Variants in PRH1 observed in about 807,000 individuals in gnomAD.
PRH1 encodes the protein proline rich protein HaeIII subfamily 1.
A neutral mutation model predicts 7.9 loss-of-function variants in PRH1; 7 were observed. That is an observed-to-expected ratio of 0.89 (90% CI 0.50 to 1.67). The LOEUF is 1.67. Ranked by LOEUF, PRH1 falls within the 40% of genes most tolerant of loss-of-function variation. PRH1 has a pLI of 0.00. For missense variants in PRH1, 109 were observed against 223.6 expected (o/e 0.49, Z 3.27); for synonymous variants, 45 against 80.8 (o/e 0.56, Z 2.38).
chr12:10,916,365 A>G (rs1245245667), intron 2 of PRH1, among the ~76,000 whole-genome samples: 2 of 152,178 alleles, frequency 1.3e-5, no homozygotes, highest in African/African-American at 4.8e-5. Context: ...GCAGTTTAAC[A>G]TATTATGAGA....
chr12:11,153,167 A>G (rs1400331128), intron 1 of PRH1, among the ~76,000 whole-genome samples: 2 of 152,220 alleles, frequency 1.3e-5, no homozygotes, highest in African/African-American at 2.4e-5. Flanking sequence ...TTTAGTGAAC[A>G]TAAGTAGAAT....
At chr12:11,039,523 A>ATT (rs146658463) in intron 1 of PRH1, among the ~76,000 whole-genome samples, 1,175 of 151,904 alleles carry the variant, frequency 7.7e-3, no homozygotes, top group Non-Finnish European at 9.6e-3. Flanking sequence ...ATGTTCTGCA[A>ATT]TTTTTTCCTT....
upstream of PRH1, among the ~76,000 whole-genome samples, chr12:10,887,845 C>G (rs2135787764): frequency 6.6e-6 from 1 of 152,238 alleles, no homozygotes; most frequent in South Asian, 2.1e-4. Context: ...ATGTTGTTTT[C>G]AATTTAGAAA....
intron 2 of PRH1, among the ~76,000 whole-genome samples, chr12:10,900,461 A>G (rs1221247575): frequency 6.6e-6 from 1 of 152,186 alleles, no homozygotes; most frequent in African/African-American, 2.4e-5. Flanking sequence ...CTTGGGCCAG[A>G]TATTGGAGCA....
At position 11,037,565 on chromosome 12, in the gene PRH1, T is replaced by C. The variant is rs1394522954; in HGVS notation, c.-126+9455A>G. On this transcript the variant is annotated intron_variant, in intron 1 of 3. Transcript: ENST00000539853. The stretch of plus-strand genomic sequence containing the variant: ...ATTTAATTTAATATCCATCGTAGTA[T>C]AATTTATTGGAAATTCATGAATTTC... Among the ~76,000 whole-genome samples, 5 of 152,268 alleles carry C rather than the reference T, an allele frequency of 3.3e-5. No individual in the cohort carries two copies. In the South Asian group the frequency reaches 6.2e-4, roughly 19 times the overall value.
intron 1 of PRH1, among the ~76,000 whole-genome samples, chr12:11,125,119 A>G (rs1946066775): frequency 6.6e-6 from 1 of 152,256 alleles, no homozygotes; most frequent in African/African-American, 2.4e-5. Flanking sequence ...CTGGGATTAC[A>G]GGCATGAGCC....
At chr12:11,044,366 A>T (rs1309768409) in intron 1 of PRH1, among the ~76,000 whole-genome samples, 2 of 152,126 alleles carry the variant, frequency 1.3e-5, no homozygotes, top group Admixed American at 6.5e-5. Flanking sequence ...TCCCCAGGAC[A>T]TTGGTTTGAG....
chr12:10,974,429 A>G (rs1938991261), intron 1 of PRH1, among the ~76,000 whole-genome samples: 1 of 152,200 alleles, frequency 6.6e-6, no homozygotes, highest in South Asian at 2.1e-4. Flanking sequence ...CCCTTCCAGC[A>G]TAGCAGATTC....
intron 1 of PRH1, among the ~76,000 whole-genome samples, chr12:11,021,349 TTAATTA>T (rs1941617346): frequency 3.9e-5 from 6 of 152,190 alleles, no homozygotes; most frequent in Admixed American, 3.3e-4. Flanking sequence ...CTGTACGTTC[TTAATTA>T]TAAAGAGAGA....
chr12:10,919,745 TCTGGTCTCACCAGAC>T (rs1950020437), intron 2 of PRH1, among the ~76,000 whole-genome samples: 1 of 151,950 alleles, frequency 6.6e-6, no homozygotes, highest in Admixed American at 6.6e-5. Flanking sequence ...GAATAAACAA[TCTGGTCTCACCAGAC>T]CTGTCTTTAG....
intron 1 of PRH1, among the ~76,000 whole-genome samples, chr12:11,102,079 A>G (rs917526760): frequency 2.0e-5 from 3 of 152,136 alleles, no homozygotes; most frequent in East Asian, 1.9e-4. Context: ...ATGCTCATGG[A>G]TAGGAAGAAT....
intron 1 of PRH1, among the ~76,000 whole-genome samples, chr12:10,994,116 G>T (rs1430059048): frequency 1.3e-5 from 2 of 152,188 alleles, no homozygotes; most frequent in African/African-American, 2.4e-5. Context: ...GACTGCATGG[G>T]ACACAAACAT....
chr12:11,061,428 A>C, intron 1 of PRH1: 2 of 1,614,086 alleles, frequency 1.2e-6, no homozygotes, highest in Non-Finnish European at 1.7e-6. Flanking sequence ...CTGAAAGAAA[A>C]GTCTGCTTTA....
Position 11,134,235 on chromosome 12 carries a change from A to C in PRH1, n.40-13055T>G, listed in dbSNP as rs1453840173. ...AGAATGGAAAAAATGATGGGCAGAAAAGTTATCATGTCTGAACAGACAAAA... is the reference window on the plus strand; with the variant it reads ...AGAATGGAAAAAATGATGGGCAGAACAGTTATCATGTCTGAACAGACAAAA... On this transcript the variant is annotated intron_variant and non_coding_transcript_variant, in intron 1 of 1. Coordinates refer to the PRH1 transcript ENST00000541175. The C allele has an allele frequency of 1.9e-6, 3 of 1,612,640 alleles. No homozygotes were observed. In the African/African-American group the frequency reaches 4.0e-5, roughly 22 times the overall value.
chr12:10,964,405 G>A, intron 2 of PRH1: 1 of 230,822 alleles, frequency 4.3e-6, no homozygotes, highest in Non-Finnish European at 9.5e-6. Context: ...GACACACGAT[G>A]TCCCACTTGT....
intron 1 of PRH1, among the ~76,000 whole-genome samples, chr12:11,103,518 A>G (rs550364572): frequency 6.8e-5 from 10 of 147,586 alleles, no homozygotes; most frequent in African/African-American, 2.5e-4. Context: ...GGTGGGGAAC[A>G]TCACACTCTG....
At chr12:10,881,951 G>T (rs1949407763) in intron 3 of PRH1, among the ~76,000 whole-genome samples, 1 of 152,142 alleles carries the variant, frequency 6.6e-6, no homozygotes, top group Non-Finnish European at 1.5e-5. Flanking sequence ...GGGGGAACAT[G>T]GTTCTATGTC....
At chr12:11,016,243 T>TAA (rs745465854) in intron 1 of PRH1, among the ~76,000 whole-genome samples, 1 of 151,924 alleles carries the variant, frequency 6.6e-6, no homozygotes, top group Admixed American at 6.6e-5. Flanking sequence ...CCTTACCTTA[T>TAA]AAAAGTGTCT....
intron 1 of PRH1, among the ~76,000 whole-genome samples, chr12:11,170,312 T>C (rs1324087065): frequency 1.3e-5 from 2 of 152,132 alleles, no homozygotes; most frequent in Non-Finnish European, 2.9e-5. Flanking sequence ...TTTGGGAGGC[T>C]GAGGCGGGCA....
Sources: allele counts gnomAD v4.1 joint callset (sites outside exome capture counted in the v4.1 genomes callset), GRCh38; gene constraint gnomAD v4.1.1; transcripts MANE v1.5; gene names NCBI Gene and HGNC (gene_info 2026-07-23, HGNC 2026-07-21).